ROR1: variants seen among roughly 807,000 people sequenced by gnomAD.
The protein encoded by ROR1 is inactive tyrosine-protein kinase transmembrane receptor ROR1.
In ROR1, 19 loss-of-function variants were observed where a neutral mutation model predicts 78.8. The observed-to-expected ratio is 0.24, with a 90% confidence interval of 0.17 to 0.35. The LOEUF (loss-of-function observed/expected upper bound fraction) is 0.35, where lower values mean the gene tolerates loss of function less well. ROR1 is among the 10% of genes least tolerant of loss of function. The pLI, the probability that ROR1 is intolerant of heterozygous loss-of-function variation, is 1.00. For missense variants in ROR1, 917 were observed against 1,177.8 expected (o/e 0.78, Z 3.24); for synonymous variants, 386 against 433.6 (o/e 0.89, Z 1.36).
chr1:63,904,049 A>C (rs1645509318), intron 1 of ROR1, among the ~76,000 whole-genome samples: 2 of 152,140 alleles, frequency 1.3e-5, no homozygotes, highest in South Asian at 4.1e-4. Flanking sequence ...CATTGATAGA[A>C]GAGGAGAACA....
In ROR1 at chr1:64,019,827, C is replaced by T. The variant is rs116334233; in HGVS notation, c.163+10451C>T. ...AAAAGATGTGTCCATGTCCTAAACT[C>T]TGGAACCTGTGAATTTTTCTTTATT... On this transcript the variant is annotated intron_variant, in intron 2 of 8. Coordinates refer to ENST00000371079, the MANE Select transcript of ROR1 (RefSeq NM_005012.4). Among the ~76,000 whole-genome samples the T allele has an allele frequency of 8.6e-3, 1,314 of 152,268 alleles. 11 individuals carry two copies. The highest frequency in any genetic ancestry group is 0.016 in the South Asian group (78 of 4,816).
intron 1 of ROR1, among the ~76,000 whole-genome samples, chr1:63,946,280 G>T (rs1209963221): frequency 1.3e-5 from 2 of 152,150 alleles, no homozygotes; most frequent in African/African-American, 4.8e-5. Flanking sequence ...GGACTAGAAG[G>T]TTTGGGTATA....
intron 1 of ROR1, among the ~76,000 whole-genome samples, chr1:64,003,490 C>A (rs1646403878): frequency 6.6e-6 from 1 of 152,170 alleles, no homozygotes; most frequent in African/African-American, 2.4e-5. Context: ...TTTGAGGTCA[C>A]TGAGGACTAG....
At chr1:63,959,363 A>G (rs186458954) in intron 1 of ROR1, among the ~76,000 whole-genome samples, 50 of 152,286 alleles carry the variant, frequency 3.3e-4, no homozygotes, top group Admixed American at 2.0e-3. Flanking sequence ...TCAAGATGAT[A>G]CTGGGTAGAC....
At chr1:64,009,031 A>G (rs1646453883) in intron 1 of ROR1, among the ~76,000 whole-genome samples, 1 of 152,090 alleles carries the variant, frequency 6.6e-6, no homozygotes, top group East Asian at 1.9e-4. Context: ...GAGAGGGTTA[A>G]TGTAATATTT....
intron 7 of ROR1, among the ~76,000 whole-genome samples, chr1:64,150,364 G>C (rs1158526623): frequency 6.6e-6 from 1 of 152,106 alleles, no homozygotes; most frequent in Non-Finnish European, 1.5e-5. Context: ...AGGGCGCATT[G>C]CCCAGTTTTG....
intron 2 of ROR1, among the ~76,000 whole-genome samples, chr1:64,042,551 G>A (rs1646753289): frequency 6.6e-6 from 1 of 152,162 alleles, no homozygotes; most frequent in South Asian, 2.1e-4. Context: ...TCCAGCAGGT[G>A]GGGTCATCCG....
intron 7 of ROR1, among the ~76,000 whole-genome samples, chr1:64,154,335 A>G (rs969704060): frequency 6.6e-6 from 1 of 152,250 alleles, no homozygotes; most frequent in African/African-American, 2.4e-5. Flanking sequence ...ATAGTTTTCA[A>G]GTAATAAATT....
At chr1:64,157,747 A>T (rs1010261162) in intron 7 of ROR1, among the ~76,000 whole-genome samples, 6 of 151,942 alleles carry the variant, frequency 3.9e-5, no homozygotes, top group African/African-American at 1.5e-4. Flanking sequence ...TCTTTCTTCT[A>T]TTTTCCTTAC....
intron 8 of ROR1, among the ~76,000 whole-genome samples, chr1:64,164,594 TC>T (rs1650034280): frequency 6.6e-6 from 1 of 152,176 alleles, no homozygotes; most frequent in Admixed American, 6.5e-5. Context: ...TGAGTACAGA[TC>T]TTTTTTTTAA....
intron 4 of ROR1, among the ~76,000 whole-genome samples, chr1:64,121,787 C>A (rs932755344): frequency 5.3e-5 from 8 of 152,168 alleles, no homozygotes; most frequent in South Asian, 2.1e-4. Flanking sequence ...CTACTCATAG[C>A]AAGCACTCAG....
chr1:64,170,631 CA>C (rs945171545), intron 8 of ROR1, among the ~76,000 whole-genome samples: 2 of 152,158 alleles, frequency 1.3e-5, no homozygotes, highest in African/African-American at 4.8e-5. Context: ...AATTTCTCCT[CA>C]AAAAATGGGA....
At chr1:64,028,003 T>G (rs982845017) in intron 2 of ROR1, among the ~76,000 whole-genome samples, 4 of 152,130 alleles carry the variant, frequency 2.6e-5, no homozygotes, top group African/African-American at 9.7e-5. Context: ...AGTTCCTATC[T>G]AAGATGTTGA....
intron 7 of ROR1, among the ~76,000 whole-genome samples, chr1:64,146,969 C>T (rs1259379218): frequency 1.3e-5 from 2 of 152,200 alleles, no homozygotes; most frequent in East Asian, 1.9e-4. Flanking sequence ...ACACAGCCAA[C>T]CACTGTCTGC....
intron 4 of ROR1, among the ~76,000 whole-genome samples, chr1:64,076,187 A>T (rs943431215): frequency 1.3e-5 from 2 of 152,138 alleles, no homozygotes; most frequent in African/African-American, 4.8e-5. Flanking sequence ...TTCTGTTGCA[A>T]ATCAAAGCCC....
At chr1:63,907,331 C>T (rs74077493) in intron 1 of ROR1, among the ~76,000 whole-genome samples, 5,070 of 152,230 alleles carry the variant, frequency 0.033, 235 homozygotes, top group African/African-American at 0.1. Flanking sequence ...AGGCAAATTA[C>T]TTAAGCTTTC....
intron 8 of ROR1, among the ~76,000 whole-genome samples, chr1:64,169,600 T>C (rs6676128): frequency 0.49 from 75,064 of 151,930 alleles, 20,216 homozygotes; most frequent in Non-Finnish European, 0.6. Context: ...CTTTCAAATC[T>C]CATTTCCTTA....
intron 1 of ROR1, among the ~76,000 whole-genome samples, chr1:63,965,885 T>G (rs559472820): frequency 6.6e-6 from 1 of 152,338 alleles, no homozygotes; most frequent in South Asian, 2.1e-4. Context: ...CCGCAAGGAC[T>G]GTGGAGTCAG....
chr1:64,007,466 A>C (rs285394), intron 1 of ROR1, among the ~76,000 whole-genome samples: 105,946 of 151,334 alleles, frequency 0.7, 39,551 homozygotes, highest in East Asian at 0.94. Flanking sequence ...AGTAGCGTGG[A>C]TTAAATTTTC....
Sources: allele counts gnomAD v4.1 joint callset (sites outside exome capture counted in the v4.1 genomes callset), GRCh38; gene constraint gnomAD v4.1.1; transcripts MANE v1.5; gene names NCBI Gene and HGNC (gene_info 2026-07-23, HGNC 2026-07-21).